Variants in DRC1 observed in about 807,000 individuals in gnomAD.
DRC1 encodes the protein dynein regulatory complex subunit 1, also known as dynein regulatory complex protein 1.
A neutral mutation model predicts 98.7 loss-of-function variants in DRC1; 74 were observed. The observed-to-expected ratio is 0.75, with a 90% confidence interval of 0.62 to 0.91. The LOEUF is 0.91. Among genes scored for constraint, DRC1 ranks in the 40% least tolerant of loss-of-function variants. DRC1 has a pLI of 0.00. For missense variants in DRC1, 875 were observed against 886.0 expected (o/e 0.99, Z 0.16); for synonymous variants, 336 against 334.1 (o/e 1.01, Z -0.06).
At chr2:26,432,282 A>G (rs1301372891) in intron 7 of DRC1, among the ~76,000 whole-genome samples, 1 of 152,138 alleles carries the variant, frequency 6.6e-6, no homozygotes, top group African/African-American at 2.4e-5. Flanking sequence ...GGATCGCTTG[A>G]GCCCCGGAGT....
chr2:26,426,639 T>G (rs1266414722), intron 4 of DRC1, among the ~76,000 whole-genome samples: 6 of 152,112 alleles, frequency 3.9e-5, no homozygotes, highest in Admixed American at 1.3e-4. Flanking sequence ...AATGCTGGGA[T>G]TACAGATAGG....
intron 7 of DRC1, among the ~76,000 whole-genome samples, chr2:26,434,427 G>A (rs1663518282): frequency 6.6e-6 from 1 of 152,108 alleles, no homozygotes; most frequent in South Asian, 2.1e-4. Context: ...CAATCATTTA[G>A]GATTGTAAGA....
chr2:26,434,719 G>A (rs1335087639), intron 7 of DRC1, among the ~76,000 whole-genome samples: 1 of 151,952 alleles, frequency 6.6e-6, no homozygotes, highest in African/African-American at 2.4e-5. Flanking sequence ...GTGAAACCAC[G>A]TCTCTACTAA....
chr2:26,417,842 T>A (rs1254379964), intron 2 of DRC1, among the ~76,000 whole-genome samples: 2 of 152,244 alleles, frequency 1.3e-5, no homozygotes, highest in Non-Finnish European at 2.9e-5. Flanking sequence ...TGACTTGGTA[T>A]CTGGTGACCT....
In DRC1 at chr2:26,448,684, A is replaced by G. The variant is rs200389064; in HGVS notation, c.1397-7A>G. 22 of 1,613,892 alleles carry G rather than the reference A, an allele frequency of 1.4e-5. No homozygotes were observed. Among genetic ancestry groups the G allele is most frequent in the Non-Finnish European group, 1.6e-5 (19 of 1,179,782 alleles). On this transcript the variant is annotated splice_region_variant and splice_polypyrimidine_tract_variant and intron_variant, in intron 10 of 16. Transcript: ENST00000288710. ...CTTTCTCTCTCCTCCCCATGACCCA[A>G]CTGCAGAAGAGGAGGAGGCAGAAGA...
At chr2:26,429,971 C>G (rs1663390868) in intron 5 of DRC1, among the ~76,000 whole-genome samples, 2 of 152,094 alleles carry the variant, frequency 1.3e-5, no homozygotes, top group African/African-American at 4.8e-5. Context: ...GGGCACTGTT[C>G]CAGGGGCCTG....
rs765569575 is a variant in DRC1 at position 26,430,780 on chromosome 2, T to A, written c.679-6T>A. ...ATGCAAGAGTGTTTTTCCTTCTTGG[T>A]CGTAGAAAGCATTTGAGGTGGAACG... On this transcript the variant is annotated splice_polypyrimidine_tract_variant and splice_region_variant and intron_variant, in intron 5 of 16. Coordinates refer to ENST00000288710, the MANE Select transcript of DRC1 (RefSeq NM_145038.5). 1 of 1,613,876 alleles carries A rather than the reference T, an allele frequency of 6.2e-7. No individual in the cohort carries two copies. Among genetic ancestry groups the A allele is most frequent in the South Asian group, 1.1e-5 (1 of 91,072 alleles).
intron 7 of DRC1, among the ~76,000 whole-genome samples, chr2:26,436,437 G>C (rs983844741): frequency 2.0e-5 from 3 of 152,002 alleles, no homozygotes; most frequent in Non-Finnish European, 4.4e-5. Context: ...TCAGTCTCCC[G>C]AATAGCTGGG....
chr2:26,448,224 CAAA>C (rs34461558), intron 10 of DRC1: 336 of 302,428 alleles, frequency 1.1e-3, no homozygotes, highest in East Asian at 1.8e-3. Flanking sequence ...GACTCCATCT[CAAA>C]AAAAAAAAAA....
At position 26,448,735 on chromosome 2, in the gene DRC1, C is replaced by A. The variant is rs1207159845; in HGVS notation, c.1441C>A (p.Leu481Met). The A allele has an allele frequency of 1.2e-6, 2 of 1,614,122 alleles. No individual in the cohort carries two copies. Among genetic ancestry groups the A allele is most frequent in the East Asian group, 4.5e-5 (2 of 44,900 alleles). ...EEAAAEPESY[L>M]DLPKQISEKT... ...GGCCGCCGCGGAACCAGAGTCCTAC[C>A]TGGATTTGCCGAAGCAAATTTCTGA... Residue 481 changes from leucine (L) to methionine (M), a missense_variant, in exon 11 of 17, where the codon CTG becomes ATG. Coordinates refer to ENST00000288710, the MANE Select transcript of DRC1 (RefSeq NM_145038.5).
At chr2:26,404,607 A>T (rs1678360118) in intron 1 of DRC1, among the ~76,000 whole-genome samples, 1 of 152,212 alleles carries the variant, frequency 6.6e-6, no homozygotes, top group Non-Finnish European at 1.5e-5. Flanking sequence ...TCGTTGAGAT[A>T]CTTCAGGGTG....
intron 3 of DRC1, among the ~76,000 whole-genome samples, chr2:26,422,481 G>C (rs547863993): frequency 1.5e-4 from 23 of 152,288 alleles, no homozygotes; most frequent in African/African-American, 5.5e-4. Context: ...CCATGTCCCA[G>C]GTCTCAGGCT....
In DRC1 at chr2:26,456,572, C is replaced by G; in HGVS notation, c.*55C>G. ...GCTGGCCTGATGCTGGTGTCTGTGC[C>G]GGAGCCAGCTCATATCACCCACTGG... On this transcript the variant is annotated 3_prime_UTR_variant, in exon 17 of 17. Transcript: ENST00000288710. 1 of 1,605,638 alleles carries G rather than the reference C, an allele frequency of 6.2e-7. No homozygotes were observed. Among genetic ancestry groups the G allele is most frequent in the Non-Finnish European group, 8.5e-7 (1 of 1,173,028 alleles).
chr2:26,428,747 G>A (rs1372094068), intron 4 of DRC1, among the ~76,000 whole-genome samples: 3 of 151,722 alleles, frequency 2.0e-5, no homozygotes, highest in Admixed American at 6.6e-5. Context: ...GCAGTGGGCC[G>A]AGATCGAGCC....
intron 1 of DRC1, among the ~76,000 whole-genome samples, chr2:26,408,342 G>A (rs1350003793): frequency 6.6e-6 from 1 of 152,178 alleles, no homozygotes; most frequent in Non-Finnish European, 1.5e-5. Flanking sequence ...GGGAAAATAT[G>A]CACAGTGGAT....
At chr2:26,436,445 G>C (rs942306272) in intron 7 of DRC1, among the ~76,000 whole-genome samples, 5 of 152,074 alleles carry the variant, frequency 3.3e-5, no homozygotes, top group Non-Finnish European at 7.4e-5. Context: ...CCGAATAGCT[G>C]GGACTACAGG....
rs1249848525 is a variant in DRC1 at position 26,448,801 on chromosome 2, T to A, written c.1507T>A (p.Ser503Thr). 9.3e-6 allele frequency: 15 copies of A among 1,613,916 alleles called. No individual in the cohort carries two copies. Among genetic ancestry groups the A allele is most frequent in the Non-Finnish European group, 1.3e-5 (15 of 1,179,976 alleles). The change falls in exon 11 of 17, where the codon TCG becomes ACG. Residue 503 changes from serine to threonine, a missense_variant and splice_region_variant. By Grantham distance (58) the Ser-to-Thr change is moderately conservative. Transcript: ENST00000288710. ...KRILMLLCDE[S>T]GFLIESKLLS... The stretch of plus-strand genomic sequence containing the variant: ...GATCCTGATGCTCCTGTGTGACGAG[T>A]CGGTGAGGCCAGGCGGGGGCTGCAG...
chr2:26,430,437 C>T (rs1201042372), intron 5 of DRC1: 9 of 459,198 alleles, frequency 2.0e-5, no homozygotes, highest in Non-Finnish European at 2.7e-5. Flanking sequence ...ACCATGGCAA[C>T]GAACGCATCA....
Position 26,454,757 on chromosome 2 carries a change from G to T in DRC1, c.2030G>T (p.Trp677Leu). The T allele has an allele frequency of 6.2e-7, 1 of 1,614,148 alleles. No homozygotes were observed. The highest frequency in any genetic ancestry group is 2.2e-5 in the East Asian group (1 of 44,876). Residue 677 changes from tryptophan (W) to leucine (L), a missense_variant, in exon 15 of 17, where the codon TGG becomes TTG. Coordinates refer to ENST00000288710, the MANE Select transcript of DRC1 (RefSeq NM_145038.5). This position sits in a 1 kb window ranked among gnomAD's most constrained non-coding sequence, Gnocchi z 5.2. ...TVIPSSKQNL[W>L]DALYTALEKY... ...ATCCCTTCCTCCAAGCAGAACCTCT[G>T]GGATGCCCTCTACACAGCCTTGGAG...
Sources: allele counts gnomAD v4.1 joint callset (sites outside exome capture counted in the v4.1 genomes callset), GRCh38; gene constraint gnomAD v4.1.1; non-coding constraint Gnocchi (gnomAD v3.1); transcripts MANE v1.5; gene names NCBI Gene and HGNC (gene_info 2026-07-23, HGNC 2026-07-21).